SUMF1: variants seen among roughly 807,000 people sequenced by gnomAD.
The protein encoded by SUMF1 is formylglycine-generating enzyme.
SUMF1 carries 48 observed loss-of-function variants against 47.6 expected under a neutral mutation model. That is an observed-to-expected ratio of 1.01 (90% CI 0.80 to 1.28). The LOEUF (loss-of-function observed/expected upper bound fraction) is 1.28. Among genes scored for constraint, SUMF1 ranks in the 50% most tolerant of loss-of-function variants. The pLI is 0.00. For missense variants in SUMF1, 571 were observed against 485.4 expected (o/e 1.18, Z -1.66); for synonymous variants, 230 against 192.1 (o/e 1.20, Z -1.63).
chr3:4,315,689 TATACTTCCACTTGACTATTATCCC>T (rs1670112741), intron 8 of SUMF1, among the ~76,000 whole-genome samples: 2 of 152,306 alleles, frequency 1.3e-5, no homozygotes, highest in Non-Finnish European at 2.9e-5. Flanking sequence ...CATTTAAAAA[TATACTTCCACTTGACTATTATCCC>T]ATGATAAAAT....
At chr3:4,049,713 G>A (rs1426775627) in intron 9 of SUMF1, among the ~76,000 whole-genome samples, 1 of 152,094 alleles carries the variant, frequency 6.6e-6, no homozygotes, top group Non-Finnish European at 1.5e-5. Context: ...GCCATTCGCG[G>A]GCAGCTTATC....
intron 8 of SUMF1, among the ~76,000 whole-genome samples, chr3:4,087,627 G>A (rs937827110): frequency 1.3e-5 from 2 of 152,002 alleles, no homozygotes; most frequent in African/African-American, 4.8e-5. Flanking sequence ...TGGCTTCATA[G>A]AAGACAGTAG....
At chr3:4,377,769 A>G (rs1700374818) in intron 7 of SUMF1, among the ~76,000 whole-genome samples, 1 of 152,348 alleles carries the variant, frequency 6.6e-6, no homozygotes, top group East Asian at 1.9e-4. Flanking sequence ...CTAATAAGCC[A>G]GAACCGTATC....
At chr3:4,433,001 T>G (rs541464403) in intron 3 of SUMF1, among the ~76,000 whole-genome samples, 134 of 152,252 alleles carry the variant, frequency 8.8e-4, no homozygotes, top group African/African-American at 3.1e-3. Context: ...TTTGTGCCAC[T>G]TCGTGGGCCA....
intron 8 of SUMF1, among the ~76,000 whole-genome samples, chr3:4,146,255 A>C (rs1033497373): frequency 6.6e-6 from 1 of 152,102 alleles, no homozygotes; most frequent in Non-Finnish European, 1.5e-5. Context: ...CAATGATTAA[A>C]ACGTGCAGAA....
At chr3:4,217,161 A>G (rs1695942645) in intron 8 of SUMF1, among the ~76,000 whole-genome samples, 1 of 152,084 alleles carries the variant, frequency 6.6e-6, no homozygotes, top group Non-Finnish European at 1.5e-5. Context: ...TGGCACATAC[A>G]CACCATGGAA....
intron 8 of SUMF1, among the ~76,000 whole-genome samples, chr3:4,190,591 G>T (rs1228097610): frequency 1.3e-5 from 2 of 152,008 alleles, no homozygotes; most frequent in African/African-American, 4.8e-5. Flanking sequence ...GTAGAACTCT[G>T]CATCCATTGA....
intron 8 of SUMF1, among the ~76,000 whole-genome samples, chr3:4,261,022 G>A (rs939243043): frequency 6.6e-6 from 1 of 152,170 alleles, no homozygotes; most frequent in Non-Finnish European, 1.5e-5. Context: ...CACTAAGCCA[G>A]TAGATGTGTG....
At chr3:4,171,767 G>A (rs1261286669) in intron 8 of SUMF1, among the ~76,000 whole-genome samples, 1 of 152,144 alleles carries the variant, frequency 6.6e-6, no homozygotes, top group Non-Finnish European at 1.5e-5. Context: ...GGAAGCACAT[G>A]CTACACACAG....
chr3:4,228,834 T>C (rs1206262717), intron 8 of SUMF1, among the ~76,000 whole-genome samples: 3 of 152,068 alleles, frequency 2.0e-5, no homozygotes, highest in African/African-American at 7.2e-5. Context: ...CATTACTAGA[T>C]GTCAGGCACC....
At chr3:4,039,914 T>C (rs1694880288) in intron 9 of SUMF1, among the ~76,000 whole-genome samples, 1 of 152,060 alleles carries the variant, frequency 6.6e-6, no homozygotes, top group Non-Finnish European at 1.5e-5. Flanking sequence ...TTTCAGCTAC[T>C]TGGGAGCCTG....
chr3:4,235,631 T>C (rs1362518271), intron 8 of SUMF1, among the ~76,000 whole-genome samples: 1 of 152,132 alleles, frequency 6.6e-6, no homozygotes, highest in East Asian at 1.9e-4. Context: ...ACCAAATGTA[T>C]TACCTCTATG....
chr3:4,323,515 G>A (rs954846375), intron 8 of SUMF1, among the ~76,000 whole-genome samples: 2 of 152,018 alleles, frequency 1.3e-5, no homozygotes, highest in Admixed American at 1.3e-4. Context: ...TTAATTAGGT[G>A]GATTTTATGG....
At chr3:4,408,706 C>T (rs113282922) in intron 7 of SUMF1, among the ~76,000 whole-genome samples, 30 of 152,298 alleles carry the variant, frequency 2.0e-4, no homozygotes, top group African/African-American at 7.0e-4. Flanking sequence ...CGTGGTGGCT[C>T]ACACCTGTAA....
chr3:4,437,447 T>A, intron 3 of SUMF1, among the ~76,000 whole-genome samples: 1 of 150,688 alleles, frequency 6.6e-6, no homozygotes, highest in Admixed American at 6.6e-5. Context: ...GGCCAGAAAT[T>A]GAGGAAAAAG....
At chr3:4,118,360 C>T (rs1397746576) in intron 8 of SUMF1, among the ~76,000 whole-genome samples, 4 of 150,296 alleles carry the variant, frequency 2.7e-5, no homozygotes, top group East Asian at 2.0e-4. Context: ...ATGATTCAGT[C>T]AAGGAAACTC....
Position 4,062,358 on chromosome 3 carries a change from CCT to C in SUMF1, c.1191+6209_1191+6210del, listed in dbSNP as rs1695290758. On this transcript the variant is annotated intron_variant and NMD_transcript_variant, in intron 9 of 12. Coordinates refer to the SUMF1 transcript ENST00000448413. Reference sequence around the variant, plus strand: ...CAGAATGATAATAATAGCAATAGAACCTTCTTCACACTGCTACTGTGAGGGTC... The same window carrying C: ...CAGAATGATAATAATAGCAATAGAACTCTTCACACTGCTACTGTGAGGGTC... 3.3e-5 allele frequency among the ~76,000 whole-genome samples: 5 copies of C among 152,240 alleles called. No individual in the cohort carries two copies. The South Asian group carries it at 1.0e-3, about 32-fold the overall frequency.
intron 9 of SUMF1, among the ~76,000 whole-genome samples, chr3:4,066,354 A>C (rs1313797399): frequency 6.6e-6 from 1 of 152,122 alleles, no homozygotes; most frequent in Non-Finnish European, 1.5e-5. Context: ...TGAGGAGATA[A>C]CTAGTTAACA....
chr3:4,146,022 T>C (rs1694185892), intron 8 of SUMF1, among the ~76,000 whole-genome samples: 1 of 152,146 alleles, frequency 6.6e-6, no homozygotes, highest in African/African-American at 2.4e-5. Flanking sequence ...CGACTTGGTC[T>C]CACTGTGAAG....
Sources: gnomAD v4.1 joint callset for allele counts (sites outside exome capture counted in the v4.1 genomes callset) on GRCh38, gnomAD v4.1.1 for gene constraint, MANE v1.5 for transcripts, NCBI Gene and HGNC (gene_info 2026-07-23, HGNC 2026-07-21) for gene names.